ADGRL3: variants seen among roughly 807,000 people sequenced by gnomAD.
The protein encoded by ADGRL3 is calcium-independent alpha-latrotoxin receptor 3.
A neutral mutation model predicts 153.5 loss-of-function variants in ADGRL3; 62 were observed. The observed-to-expected ratio is 0.40, with a 90% CI of 0.33 to 0.50. The LOEUF (loss-of-function observed/expected upper bound fraction) is 0.50, where lower values mean the gene tolerates loss of function less well. Ranked by LOEUF, ADGRL3 falls within the 20% of genes least tolerant of loss-of-function variation. The pLI, the probability that ADGRL3 is intolerant of heterozygous loss-of-function variation, is 0.47. For missense variants in ADGRL3, 1,641 were observed against 1,859.4 expected (o/e 0.88, Z 2.16); for synonymous variants, 710 against 672.5 (o/e 1.06, Z -0.86).
chr4:61,730,197 A>G (rs571259978), intron 6 of ADGRL3, among the ~76,000 whole-genome samples: 1 of 151,916 alleles, frequency 6.6e-6, no homozygotes, highest in Non-Finnish European at 1.5e-5. Flanking sequence ...AGAAAGCACA[A>G]CTATTATGTG....
chr4:62,025,042 T>TA (rs1205404922), intron 21 of ADGRL3, among the ~76,000 whole-genome samples: 1 of 151,804 alleles, frequency 6.6e-6, no homozygotes, highest in East Asian at 1.9e-4. Context: ...CCCATCAACA[T>TA]AAGGTACATT....
intron 5 of ADGRL3, among the ~76,000 whole-genome samples, chr4:61,600,307 C>CAA (rs60557691): frequency 2.1e-4 from 13 of 61,768 alleles, no homozygotes; most frequent in African/African-American, 6.1e-4. Flanking sequence ...GGCTGCCTTG[C>CAA]AAAAAAAAAA....
chr4:61,387,268 A>G (rs2096748568), intron 2 of ADGRL3, among the ~76,000 whole-genome samples: 1 of 152,172 alleles, frequency 6.6e-6, no homozygotes, highest in African/African-American at 2.4e-5. Flanking sequence ...TCACAAGGCA[A>G]GTGGAGGCAG....
intron 25 of ADGRL3, chr4:62,063,464 CTTTT>C: frequency 9.6e-6 from 5 of 521,656 alleles, no homozygotes; most frequent in Admixed American, 3.2e-5. Flanking sequence ...CCTGATTGAC[CTTTT>C]TTTTTTTTTC....
chr4:61,567,255 C>T (rs2149072830), intron 4 of ADGRL3, among the ~76,000 whole-genome samples: 1 of 152,330 alleles, frequency 6.6e-6, no homozygotes, highest in African/African-American at 2.4e-5. Context: ...AACTGCTGCA[C>T]TAACTTCTAA....
intron 2 of ADGRL3, among the ~76,000 whole-genome samples, chr4:61,428,894 CATCTATCTATCTATCTATCTATCT>C (rs5858699): frequency 2.0e-5 from 2 of 98,288 alleles, no homozygotes; most frequent in African/African-American, 3.3e-5. Flanking sequence ...CTATCTATAT[CATCTATCTATCTATCTATCTATCT>C]ATCTATCTAT....
chr4:61,628,028 G>T (rs2092937271), intron 5 of ADGRL3, among the ~76,000 whole-genome samples: 1 of 152,050 alleles, frequency 6.6e-6, no homozygotes, highest in Non-Finnish European at 1.5e-5. Flanking sequence ...ACTCTCCTTG[G>T]AGTTAATTTA....
Position 61,934,836 on chromosome 4 carries a change from G to A in ADGRL3, c.2113-4G>A, listed in dbSNP as rs2305339. 0.73 allele frequency: 1,180,475 copies of A among 1,610,370 alleles called. 435,552 individuals carry two copies. Among genetic ancestry groups the A allele is most frequent in the African/African-American group, 0.79 (59,459 of 74,890 alleles). On this transcript the variant is annotated splice_region_variant and splice_polypyrimidine_tract_variant and intron_variant, in intron 13 of 26. Coordinates refer to ENST00000683033, the MANE Select transcript of ADGRL3 (RefSeq NM_001387552.1). ...CCTCTGTCATTCTTTTCATCCTCTT[G>A]TAGGCAATGGTCGAGACAGTTAACA...
chr4:61,651,590 GTTTGT>G (rs1029711936), intron 5 of ADGRL3, among the ~76,000 whole-genome samples: 15 of 151,534 alleles, frequency 9.9e-5, no homozygotes, highest in Non-Finnish European at 1.8e-4. Context: ...TTTTTTGTGT[GTTTGT>G]TTTGTTTTTG....
At chr4:61,360,494 T>G (rs1261660183) in intron 1 of ADGRL3, among the ~76,000 whole-genome samples, 1 of 152,114 alleles carries the variant, frequency 6.6e-6, no homozygotes, top group Non-Finnish European at 1.5e-5. Context: ...TTGGCTCAAA[T>G]TTAAAAAAAT....
intron 8 of ADGRL3, among the ~76,000 whole-genome samples, chr4:61,737,176 T>C (rs1235979366): frequency 1.3e-5 from 2 of 152,134 alleles, no homozygotes; most frequent in South Asian, 2.1e-4. Context: ...ATTACAAATA[T>C]GTTAGAGTCA....
chr4:61,883,434 A>T (rs2098519882), intron 9 of ADGRL3, among the ~76,000 whole-genome samples: 2 of 152,160 alleles, frequency 1.3e-5, no homozygotes, highest in African/African-American at 2.4e-5. Flanking sequence ...ATTATGAAAC[A>T]TTTATTAAGC....
chr4:61,417,137 C>T (rs149301171), intron 2 of ADGRL3, among the ~76,000 whole-genome samples: 3 of 152,216 alleles, frequency 2.0e-5, no homozygotes, highest in East Asian at 1.9e-4. Context: ...GCTGTGCATC[C>T]GGGTTCCTAA....
chr4:61,923,617 G>C (rs1052898822), intron 13 of ADGRL3, among the ~76,000 whole-genome samples: 2 of 152,074 alleles, frequency 1.3e-5, no homozygotes, highest in Non-Finnish European at 2.9e-5. Flanking sequence ...ATTAATTCTA[G>C]ATTTGTTCTC....
intron 4 of ADGRL3, among the ~76,000 whole-genome samples, chr4:61,569,216 T>C (rs766027336): frequency 3.9e-5 from 6 of 152,192 alleles, no homozygotes; most frequent in Non-Finnish European, 7.4e-5. Flanking sequence ...TTTTTCATAA[T>C]ACATGTTATG....
intron 2 of ADGRL3, among the ~76,000 whole-genome samples, chr4:61,388,219 C>T (rs1390449800): frequency 1.3e-5 from 2 of 152,124 alleles, no homozygotes; most frequent in African/African-American, 4.8e-5. Context: ...CCTCTCTTTG[C>T]TTCACTTTCC....
chr4:61,874,158 GT>G (rs1447212772), intron 9 of ADGRL3, among the ~76,000 whole-genome samples: 1 of 152,140 alleles, frequency 6.6e-6, no homozygotes, highest in Admixed American at 6.5e-5. Context: ...CACAATCCTA[GT>G]GCTACTCTGG....
At chr4:61,649,231 T>A (rs985642951) in intron 5 of ADGRL3, among the ~76,000 whole-genome samples, 1 of 152,066 alleles carries the variant, frequency 6.6e-6, no homozygotes, top group African/African-American at 2.4e-5. Flanking sequence ...TTTGCCAATT[T>A]AAAAAAATCA....
At chr4:61,445,882 A>C (rs1008107863) in intron 2 of ADGRL3, among the ~76,000 whole-genome samples, 4 of 152,246 alleles carry the variant, frequency 2.6e-5, no homozygotes, top group Non-Finnish European at 4.4e-5. Flanking sequence ...AGCCATTGTG[A>C]TACCCTAGCA....
Sources: gnomAD v4.1 joint callset for allele counts (sites outside exome capture counted in the v4.1 genomes callset) on GRCh38, gnomAD v4.1.1 for gene constraint, MANE v1.5 for transcripts, NCBI Gene and HGNC (gene_info 2026-07-23, HGNC 2026-07-21) for gene names.